The following OAS1 variants were observed in gnomAD, a reference collection of about 807,000 sequenced individuals.
OAS1 encodes 2'-5'-oligoadenylate synthetase 1.
Under a neutral mutation model 38.5 loss-of-function variants are expected in OAS1, and 24 were observed. That is an observed-to-expected ratio of 0.62 (90% CI 0.45 to 0.88). OAS1 has a LOEUF of 0.88. Among genes scored for constraint, OAS1 ranks in the 40% least tolerant of loss-of-function variants. The probability of loss-of-function intolerance (pLI) is 0.00; values close to 1 mark genes in which losing one functional copy is unlikely to be tolerated. For missense variants in OAS1, 482 were observed against 493.9 expected (o/e 0.98, Z 0.23); for synonymous variants, 169 against 193.9 (o/e 0.87, Z 1.07).
In OAS1 at chr12:112,916,638, G is replaced by A. The variant is rs1226098027; in HGVS notation, c.784G>A (p.Val262Ile). ...GGGATTTCGGACGGTCTTGGAATTA[G>A]TCATAAACTACCAGCAACTCTGCAT... ...AQGFRTVLEL[V>I]INYQQLCIYW... is the part of the protein sequence containing the mutation. Residue 262 changes from valine to isoleucine, a missense_variant, in exon 4 of 6, where the codon GTC becomes ATC. Coordinates refer to ENST00000202917, the MANE Select transcript of OAS1 (RefSeq NM_016816.4). The A allele has an allele frequency of 1.9e-6, 3 of 1,614,038 alleles. No homozygotes were observed. In the African/African-American group the frequency reaches 4.0e-5, roughly 22 times the overall value.
At chr12:112,918,006 C>A in intron 5 of OAS1, 1 of 1,129,028 alleles carries the variant, frequency 8.9e-7, no homozygotes, top group Non-Finnish European at 1.2e-6. Flanking sequence ...TATGCACTCT[C>A]TCATTAAATA....
chr12:112,918,585 C>T, intron 5 of OAS1: 1 of 446,716 alleles, frequency 2.2e-6, no homozygotes, highest in Non-Finnish European at 4.5e-6. Flanking sequence ...TTCTATCATT[C>T]CCATCTTACA....
At chr12:112,923,377 T>C (rs1051889095), downstream of OAS1, among the ~76,000 whole-genome samples, 7 of 152,238 alleles carry the variant, frequency 4.6e-5, no homozygotes, top group Non-Finnish European at 7.3e-5. Flanking sequence ...TGTTATCTTT[T>C]GTTCATTCTT....
chr12:112,916,406 CTT>C, intron 3 of OAS1, 101 bp from the exon 4 acceptor site: 3 of 815,450 alleles, frequency 3.7e-6, no homozygotes, highest in Non-Finnish European at 6.0e-6. Context: ...TCCAAGGAAA[CTT>C]TATAAAAACA....
In OAS1 at chr12:112,908,703, C is replaced by A. The variant is rs376780624; in HGVS notation, c.348C>A (p.Ser116=). ...CCTGTCAAAGAGAGAGAGCATTTTC[C>A]GTGAAGTTTGAGGTCCAGGCTCCAC... ...LEACQRERAF[S]VKFEVQAPRW... is the part of the protein sequence containing the mutation. Residue 116 remains serine (S), a synonymous_variant, in exon 2 of 6, where the codon TCC becomes TCA. Coordinates refer to ENST00000202917, the MANE Select transcript of OAS1 (RefSeq NM_016816.4). The A allele has an allele frequency of 6.2e-6, 10 of 1,614,148 alleles. No homozygotes were observed.
Position 112,907,013 on chromosome 12 carries a change from G to A in OAS1, c.-27G>A, listed in dbSNP as rs780140160. On this transcript the variant is annotated 5_prime_UTR_variant, in exon 1 of 6. Coordinates refer to ENST00000202917, the MANE Select transcript of OAS1 (RefSeq NM_016816.4). ...TAAAAGCAAACAGGTCTGGGAGGCA[G>A]TTCTGTTGCCACTCTCTCTCCTGTC... is the stretch of plus-strand genomic sequence containing the variant. 30 of 1,613,412 alleles carry A rather than the reference G, an allele frequency of 1.9e-5. 1 individual carries two copies. The South Asian group carries it at 3.2e-4, about 17-fold the overall frequency.
rs10774671 is a variant in OAS1 at position 112,919,388 on chromosome 12, G to A, written c.1039-1G>A. 1,033,185 of 1,598,136 alleles carry A rather than the reference G, an allele frequency of 0.65. 340,187 individuals carry two copies. Among genetic ancestry groups the A allele is most frequent in the East Asian group, 0.79 (35,521 of 44,768 alleles). On this transcript the variant is annotated splice_acceptor_variant, in intron 5 of 5. Transcript: ENST00000202917. LOFTEE classifies it high-confidence loss of function. ...TGTGATCATGTGTCTCACCCTTTCA[G>A]GCTGAAAGCAACAGTGCAGACGATG...
At chr12:112,925,229 G>A (rs1013376706) in intron 6 of OAS1, among the ~76,000 whole-genome samples, 1 of 152,124 alleles carries the variant, frequency 6.6e-6, no homozygotes, top group East Asian at 1.9e-4. Flanking sequence ...CCAGCTCAAC[G>A]AGGGGGTGAA....
downstream of OAS1, among the ~76,000 whole-genome samples, chr12:112,923,477 T>C (rs1162484138): frequency 6.6e-6 from 1 of 152,260 alleles, no homozygotes; most frequent in Non-Finnish European, 1.5e-5. Context: ...ATATTGAGTA[T>C]ATTTTCATAG....
At chr12:112,920,935 G>A (rs1242797018), downstream of OAS1, among the ~76,000 whole-genome samples, 1 of 152,206 alleles carries the variant, frequency 6.6e-6, no homozygotes, top group Non-Finnish European at 1.5e-5. Context: ...GGCAGAGTCT[G>A]AACTTGAACC....
At chr12:112,922,286 A>G (rs1266471150), downstream of OAS1, among the ~76,000 whole-genome samples, 2 of 152,152 alleles carry the variant, frequency 1.3e-5, no homozygotes, top group South Asian at 2.1e-4. Context: ...TGGGTTGGTC[A>G]GTTCCAAAAA....
chr12:112,917,779 C>T (rs551698229), intron 5 of OAS1, 79 bp downstream of exon 5: 2 of 1,614,072 alleles, frequency 1.2e-6, no homozygotes, highest in Admixed American at 3.3e-5. Context: ...GGAGACCATT[C>T]TTTCCAAAGA....
At chr12:112,912,338 TCAAA>T (rs565162085) in intron 3 of OAS1, among the ~76,000 whole-genome samples, 91 of 152,190 alleles carry the variant, frequency 6.0e-4, no homozygotes, top group Non-Finnish European at 7.8e-4. Context: ...AGATCTTCTC[TCAAA>T]CAAACAAACA....
chr12:112,924,221 C>T (rs1351890259), downstream of OAS1, among the ~76,000 whole-genome samples: 1 of 152,158 alleles, frequency 6.6e-6, no homozygotes, highest in Non-Finnish European at 1.5e-5. Context: ...CTGGACTCTG[C>T]TCTTTTCCAT....
chr12:112,931,991 G>C (rs2043600028), exon 7 of OAS1: 1 of 692,418 alleles, frequency 1.4e-6, no homozygotes, highest in Non-Finnish European at 2.6e-6. Flanking sequence ...GTTGCTTAGG[G>C]AGGCAGAAAT....
At position 112,911,081 on chromosome 12, in the gene OAS1, C is replaced by T. The variant is rs761279767; in HGVS notation, c.500C>T (p.Pro167Leu). The stretch of plus-strand genomic sequence containing the variant: ...TTGACTGGCGGCTATAAACCTAACC[C>T]CCAAATCTATGTCAAGCTCATCGAG... ...GQLTGGYKPN[P>L]QIYVKLIEEC... The change falls in exon 3 of 6, where the codon CCC (proline) becomes CTC (leucine). Residue 167 changes from proline to leucine, a missense_variant. By Grantham distance (98) the Pro-to-Leu change is moderately conservative. Transcript: ENST00000202917. The T allele has an allele frequency of 3.3e-5, 53 of 1,613,828 alleles. No individual in the cohort carries two copies. Among genetic ancestry groups the T allele is most frequent in the Non-Finnish European group, 4.1e-5 (48 of 1,179,970 alleles).
intron 2 of OAS1, among the ~76,000 whole-genome samples, chr12:112,909,603 G>A (rs1452891815): frequency 6.6e-6 from 1 of 152,144 alleles, no homozygotes; most frequent in Non-Finnish European, 1.5e-5. Context: ...GATTCGAGGT[G>A]TCAGTGAGCC....
chr12:112,930,179 C>G (rs531915605), intron 6 of OAS1, among the ~76,000 whole-genome samples: 89 of 152,254 alleles, frequency 5.8e-4, no homozygotes, highest in Non-Finnish European at 9.0e-4. Flanking sequence ...ATGCCTGCTC[C>G]CCCTTTGCCT....
At position 112,907,027 on chromosome 12, in the gene OAS1, C is replaced by G. The variant is rs558343010; in HGVS notation, c.-13C>G. The G allele has an allele frequency of 6.2e-7, 1 of 1,614,062 alleles. No homozygotes were observed. Among genetic ancestry groups the G allele is most frequent in the East Asian group, 2.2e-5 (1 of 44,886 alleles). ...TCTGGGAGGCAGTTCTGTTGCCACT[C>G]TCTCTCCTGTCAATGATGGATCTCA... On this transcript the variant is annotated 5_prime_UTR_variant, in exon 1 of 6. Transcript: ENST00000202917.
Sources: gnomAD v4.1 joint callset for allele counts (sites outside exome capture counted in the v4.1 genomes callset) on GRCh38, gnomAD v4.1.1 for gene constraint, MANE v1.5 for transcripts, NCBI Gene and HGNC (gene_info 2026-07-23, HGNC 2026-07-21) for gene names.